Variants in NINJ2 observed in about 807,000 individuals in gnomAD.
NINJ2 encodes ninjurin-2.
NINJ2 carries 12 observed loss-of-function variants against 11.7 expected under a neutral mutation model. That is an observed-to-expected ratio of 1.02 (90% confidence interval 0.66 to 1.66). The LOEUF is 1.66. Ranked by LOEUF, NINJ2 falls within the 40% of genes most tolerant of loss-of-function variation. The pLI is 0.00. For synonymous variants in NINJ2, 93 were observed against 76.8 expected, an observed-to-expected ratio of 1.21 and a Z score of -1.10; for missense variants, 187 against 181.8, an observed-to-expected ratio of 1.03 and a Z score of -0.16.
intron 1 of NINJ2, among the ~76,000 whole-genome samples, chr12:661,033 G>A (rs1592122192): frequency 1.3e-5 from 2 of 152,108 alleles, no homozygotes; most frequent in African/African-American, 4.8e-5. Context: ...ACCCATTGGT[G>A]ATAATTGTAC....
At chr12:636,820 T>C (rs1431822856) in intron 1 of NINJ2, among the ~76,000 whole-genome samples, 1 of 152,228 alleles carries the variant, frequency 6.6e-6, no homozygotes, top group Non-Finnish European at 1.5e-5. Context: ...CAGCAGCCAC[T>C]GTGGAAAACA....
intron 1 of NINJ2, among the ~76,000 whole-genome samples, chr12:593,128 A>C (rs1177127420): frequency 2.6e-5 from 4 of 152,212 alleles, no homozygotes; most frequent in African/African-American, 9.7e-5. Flanking sequence ...AAAATCCAGA[A>C]ATCTATGTTA....
intron 1 of NINJ2, among the ~76,000 whole-genome samples, chr12:657,089 G>A (rs1937882872): frequency 6.6e-6 from 1 of 152,094 alleles, no homozygotes; most frequent in Non-Finnish European, 1.5e-5. Context: ...CCTTGAATAT[G>A]CTTACAACTT....
In NINJ2 at chr12:565,248, CT is replaced by C. The variant is rs1947275122; in HGVS notation, c.415del (p.Arg139GlyfsTer23). Reference sequence around the variant, plus strand: ...CCCAGGCTGCATTCAGAGAGGATTCCTTGAGGCCCTGGCAGCCAGGAACCCT... The same window carrying C: ...CCCAGGCTGCATTCAGAGAGGATTCCTGAGGCCCTGGCAGCCAGGAACCCT... ...KTGFLAARAS[R>X]NPL is the part of the protein sequence containing the mutation. On this transcript the variant is annotated frameshift_variant, in exon 3 of 4. Coordinates refer to ENST00000305108, the MANE Select transcript of NINJ2 (RefSeq NM_016533.6). LOFTEE classifies it high-confidence loss of function. 6.2e-7 allele frequency: 1 copy of C among 1,613,740 alleles called. No individual in the cohort carries two copies. The highest frequency in any genetic ancestry group is 1.7e-5 in the Admixed American group (1 of 59,978).
chr12:568,033 G>C (rs1226010931), intron 1 of NINJ2, among the ~76,000 whole-genome samples: 1 of 152,030 alleles, frequency 6.6e-6, no homozygotes, highest in Non-Finnish European at 1.5e-5. Flanking sequence ...ACAAAACTCT[G>C]AAATGCAGTA....
chr12:637,694 C>T (rs1948369658), intron 1 of NINJ2, among the ~76,000 whole-genome samples: 6 of 151,570 alleles, frequency 4.0e-5, no homozygotes, highest in Admixed American at 3.3e-4. Flanking sequence ...AATTAATGTA[C>T]CCCAAATGCC....
At chr12:596,959 C>G (rs2535389) in intron 1 of NINJ2, among the ~76,000 whole-genome samples, 115,528 of 151,882 alleles carry the variant, frequency 0.76, 44,046 homozygotes, top group Middle Eastern at 0.79. Context: ...AATTCACAGT[C>G]GAAAAGATAA....
At chr12:613,611 A>G (rs1948058748) in intron 1 of NINJ2, among the ~76,000 whole-genome samples, 1 of 151,264 alleles carries the variant, frequency 6.6e-6, no homozygotes, top group African/African-American at 2.4e-5. Flanking sequence ...TCTGTCTCAA[A>G]AATAAATAAA....
chr12:601,667 C>A (rs1947875491), intron 1 of NINJ2, among the ~76,000 whole-genome samples: 1 of 152,202 alleles, frequency 6.6e-6, no homozygotes, highest in African/African-American at 2.4e-5. Context: ...AGTTTGAGAC[C>A]AGCCTGGCCA....
chr12:660,533 G>T (rs1034634430), intron 1 of NINJ2, among the ~76,000 whole-genome samples: 2 of 151,730 alleles, frequency 1.3e-5, no homozygotes, highest in Non-Finnish European at 1.5e-5. Context: ...TAGAGACAGG[G>T]TTTCACTATG....
intron 1 of NINJ2, among the ~76,000 whole-genome samples, chr12:653,782 C>G (rs1043109459): frequency 6.6e-6 from 1 of 152,084 alleles, no homozygotes; most frequent in African/African-American, 2.4e-5. Flanking sequence ...CCAACTATAT[C>G]AGTAATCACT....
intron 1 of NINJ2, among the ~76,000 whole-genome samples, chr12:627,149 C>A (rs1003634670): frequency 6.6e-6 from 1 of 152,034 alleles, no homozygotes; most frequent in African/African-American, 2.4e-5. Context: ...ATAGCAAGCA[C>A]CTAATAACTG....
intron 1 of NINJ2, among the ~76,000 whole-genome samples, chr12:660,361 T>TTTTTCTTTTC (rs1269018063): frequency 3.8e-5 from 5 of 131,646 alleles, no homozygotes; most frequent in African/African-American, 1.6e-4. Context: ...TTTTCTTTTC[T>TTTTTCTTTTC]TTTTTTTTTT....
intron 2 of NINJ2, 94 bp from the exon 3 acceptor site, chr12:565,495 C>A: frequency 7.9e-7 from 1 of 1,266,286 alleles, no homozygotes; most frequent in Non-Finnish European, 1.1e-6. Flanking sequence ...AGAGAGGGGC[C>A]CTTCAGAAAC....
rs1366931409 is a variant in NINJ2 at position 613,175 on chromosome 12, TCCC to T, written c.34-47000_34-46998del. Among the ~76,000 whole-genome samples the T allele has an allele frequency of 4.6e-5, 7 of 152,316 alleles. No individual in the cohort carries two copies. The South Asian group carries it at 1.4e-3, about 32-fold the overall frequency. On this transcript the variant is annotated intron_variant, in intron 1 of 3. Transcript: ENST00000305108. Reference sequence around the variant, plus strand: ...GTGCTCTGACACACTAGGAATAGTTTCCCCATGCTAATGAGCAAAATCCCTGTG... The same window carrying T: ...GTGCTCTGACACACTAGGAATAGTTTCATGCTAATGAGCAAAATCCCTGTG...
chr12:643,309 G>T, intron 1 of NINJ2: 2 of 423,938 alleles, frequency 4.7e-6, no homozygotes, highest in Non-Finnish European at 6.4e-6. Context: ...CTGCACCGTC[G>T]CGGCCTCGCA....
At chr12:639,650 A>G (rs1330901169) in intron 1 of NINJ2, among the ~76,000 whole-genome samples, 4 of 152,174 alleles carry the variant, frequency 2.6e-5, no homozygotes, top group Admixed American at 2.6e-4. Flanking sequence ...CCTTCTGGAA[A>G]CTATGTGTGG....
intron 1 of NINJ2, among the ~76,000 whole-genome samples, chr12:602,698 T>C (rs1031629404): frequency 6.6e-6 from 1 of 152,258 alleles, no homozygotes; most frequent in African/African-American, 2.4e-5. Flanking sequence ...CCAAAGTGGC[T>C]GCACCATTTT....
intron 1 of NINJ2, among the ~76,000 whole-genome samples, chr12:662,108 C>T (rs544755448): frequency 3.7e-4 from 56 of 152,298 alleles, no homozygotes; most frequent in African/African-American, 1.2e-3. Flanking sequence ...CAGGGGAGGG[C>T]TCCTGGGGGA....
Sources: gnomAD v4.1 joint callset for allele counts (sites outside exome capture counted in the v4.1 genomes callset) on GRCh38, gnomAD v4.1.1 for gene constraint, MANE v1.5 for transcripts, NCBI Gene and HGNC (gene_info 2026-07-23, HGNC 2026-07-21) for gene names.